Variants in HPSE2 observed in about 807,000 individuals in gnomAD.
The protein encoded by HPSE2 is inactive heparanase-2.
In HPSE2, 38 loss-of-function variants were observed where a neutral mutation model predicts 60.5. The ratio of observed to expected loss-of-function variants is 0.63; its 90% CI spans 0.48 to 0.82. The LOEUF is 0.82. HPSE2 is among the 40% of genes least tolerant of loss of function. The pLI is 0.00. For missense variants in HPSE2, 713 were observed against 740.4 expected (o/e 0.96, Z 0.43); for synonymous variants, 295 against 293.2 (o/e 1.01, Z -0.06).
At chr10:98,804,658 C>T (rs185034517) in intron 3 of HPSE2, among the ~76,000 whole-genome samples, 116 of 152,024 alleles carry the variant, frequency 7.6e-4, no homozygotes, top group Non-Finnish European at 1.5e-3. Flanking sequence ...GTATACGGTA[C>T]GGAAATGCTC....
chr10:98,673,078 A>G (rs1304673033), intron 6 of HPSE2, among the ~76,000 whole-genome samples: 1 of 152,216 alleles, frequency 6.6e-6, no homozygotes, highest in African/African-American at 2.4e-5. Context: ...CCTGGGTTCC[A>G]GTCACCTATG....
At chr10:99,218,659 T>G (rs1329512649) in intron 2 of HPSE2, among the ~76,000 whole-genome samples, 1 of 152,228 alleles carries the variant, frequency 6.6e-6, no homozygotes, top group Non-Finnish European at 1.5e-5. Context: ...AAATGTAAGT[T>G]TTCTGCTGCA....
chr10:98,750,526 T>C (rs942435562), intron 3 of HPSE2, among the ~76,000 whole-genome samples: 4 of 152,058 alleles, frequency 2.6e-5, no homozygotes, highest in African/African-American at 7.2e-5. Flanking sequence ...ATAGCAATAA[T>C]TGAAGCAAGG....
chr10:98,560,188 C>A (rs1944131649), intron 9 of HPSE2, among the ~76,000 whole-genome samples: 1 of 152,216 alleles, frequency 6.6e-6, no homozygotes, highest in African/African-American at 2.4e-5. Flanking sequence ...TAAGCTCAAC[C>A]TATCATTACT....
the HPSE2 span, among the ~76,000 whole-genome samples, chr10:99,248,554 A>C: frequency 1.3e-5 from 2 of 152,216 alleles, no homozygotes; most frequent in African/African-American, 2.4e-5. Context: ...GAGGTGTAAA[A>C]GTTTGGAAAT....
chr10:99,273,610 T>C, the HPSE2 span, among the ~76,000 whole-genome samples: 1 of 152,238 alleles, frequency 6.6e-6, no homozygotes, highest in South Asian at 2.1e-4. Context: ...AACCAACCCC[T>C]AAAGATATGA....
intron 3 of HPSE2, among the ~76,000 whole-genome samples, chr10:98,816,828 A>G (rs1191939679): frequency 6.6e-6 from 1 of 152,192 alleles, no homozygotes; most frequent in African/African-American, 2.4e-5. Context: ...TTCTCTGTTT[A>G]CCAAGTAAAT....
intron 6 of HPSE2, among the ~76,000 whole-genome samples, chr10:98,654,565 A>G (rs1294179541): frequency 6.6e-6 from 1 of 152,010 alleles, no homozygotes; most frequent in Admixed American, 6.6e-5. Context: ...TATTTCTATC[A>G]TTTCCTTTTG....
chr10:99,147,283 CT>C (rs1334743417), intron 2 of HPSE2, among the ~76,000 whole-genome samples: 1 of 152,010 alleles, frequency 6.6e-6, no homozygotes, highest in Non-Finnish European at 1.5e-5. Flanking sequence ...AAAGGAAGAA[CT>C]AAAAAGAAAA....
chr10:98,907,988 C>T (rs192390913), intron 3 of HPSE2, among the ~76,000 whole-genome samples: 5 of 152,252 alleles, frequency 3.3e-5, no homozygotes, highest in Admixed American at 3.3e-4. Flanking sequence ...CCTAAAAGTG[C>T]TCAGAACACT....
chr10:98,625,790 G>C (rs148549254), intron 7 of HPSE2, among the ~76,000 whole-genome samples: 140 of 152,248 alleles, frequency 9.2e-4, no homozygotes, highest in South Asian at 1.4e-3. Context: ...AAATAAGTGT[G>C]ATCTATATAC....
chr10:98,709,415 T>C (rs1178808278), intron 5 of HPSE2, among the ~76,000 whole-genome samples: 3 of 152,196 alleles, frequency 2.0e-5, no homozygotes, highest in African/African-American at 7.2e-5. Context: ...TGGAAGATCT[T>C]GGTTTTCCAA....
chr10:98,932,969 T>C lies in HPSE2; in HGVS notation c.611-188913A>G, dbSNP rs1380158720. On this transcript the variant is annotated intron_variant, in intron 3 of 11. Transcript: ENST00000370552. ...TTTTTCGAAGTGTTTTTCAGGTCTC[T>C]ATCTCCCGAGTTTGGTTATTTCCTG... Among the ~76,000 whole-genome samples the C allele has an allele frequency of 2.1e-5, 3 of 143,926 alleles. 1 individual carries two copies. Among genetic ancestry groups the C allele is most frequent in the African/African-American group, 8.5e-5 (3 of 35,380 alleles). 94.4% of individuals were successfully genotyped at this position (143,926 alleles called of 152,430 possible). A position where few individuals can be genotyped will look rare whatever the true frequency, so the allele number is the denominator to read the frequency against.
chr10:98,583,402 G>C (rs1334449798), intron 9 of HPSE2, among the ~76,000 whole-genome samples: 1 of 152,072 alleles, frequency 6.6e-6, no homozygotes, highest in Non-Finnish European at 1.5e-5. Flanking sequence ...TCATTGCTTT[G>C]GTTGTGTGTT....
chr10:98,568,364 T>G (rs1007361865), intron 9 of HPSE2, among the ~76,000 whole-genome samples: 2 of 152,166 alleles, frequency 1.3e-5, no homozygotes, highest in African/African-American at 4.8e-5. Flanking sequence ...TTCATAGGTC[T>G]GTTGTGGGGA....
intron 3 of HPSE2, among the ~76,000 whole-genome samples, chr10:98,944,401 T>C (rs151210373): frequency 1.0e-3 from 155 of 152,194 alleles, no homozygotes; most frequent in Non-Finnish European, 1.9e-3. Flanking sequence ...AGGAAAGAGA[T>C]AGGATGACTA....
chr10:98,925,255 A>G (rs1344172744), intron 3 of HPSE2, among the ~76,000 whole-genome samples: 2 of 152,238 alleles, frequency 1.3e-5, no homozygotes, highest in South Asian at 4.1e-4. Context: ...GTGTACAGAT[A>G]GTTGTTAAGA....
the HPSE2 span, among the ~76,000 whole-genome samples, chr10:99,263,287 C>A: frequency 2.0e-5 from 3 of 152,144 alleles, no homozygotes; most frequent in Non-Finnish European, 4.4e-5. Context: ...TGCTCTGCCC[C>A]TCTCCACTAC....
intron 3 of HPSE2, among the ~76,000 whole-genome samples, chr10:99,086,346 CTTTTTTTTTTT>C (rs66562418): frequency 3.6e-5 from 3 of 83,008 alleles, no homozygotes; most frequent in African/African-American, 4.5e-5. Flanking sequence ...AAAGTACTTT[CTTTTTTTTTTT>C]TTTTTTTTTT....
Sources: allele counts gnomAD v4.1 joint callset (sites outside exome capture counted in the v4.1 genomes callset), GRCh38; gene constraint gnomAD v4.1.1; transcripts MANE v1.5; gene names NCBI Gene and HGNC (gene_info 2026-07-23, HGNC 2026-07-21).